TSC22D1: variants seen among roughly 807,000 people sequenced by gnomAD.
The protein encoded by TSC22D1 is TSC22 domain family protein 1.
In TSC22D1, 9 loss-of-function variants were observed where a neutral mutation model predicts 74.2. The ratio of observed to expected loss-of-function variants is 0.12; its 90% CI spans 0.07 to 0.21. The LOEUF is 0.21. Ranked by LOEUF, TSC22D1 falls within the 10% of genes least tolerant of loss-of-function variation. The pLI is 1.00. For synonymous variants in TSC22D1, 586 were observed against 492.5 expected (o/e 1.19, Z -2.51); for missense variants, 1,427 against 1,304.7 (o/e 1.09, Z -1.44).
At position 44,513,032 on chromosome 13, in the gene TSC22D1, C is replaced by T. The variant is rs544711848; in HGVS notation, c.2912+60131G>A. 2.0e-5 allele frequency among the ~76,000 whole-genome samples: 3 copies of T among 152,330 alleles called. No homozygotes were observed. The East Asian group carries it at 5.8e-4, about 29-fold the overall frequency. The stretch of plus-strand genomic sequence containing the variant: ...AATCCTGAAATTGCTTCCTAGTTGA[C>T]TTTCTCACCTCCAGTCCTAACTTTC... On this transcript the variant is annotated intron_variant, in intron 1 of 2. Transcript: ENST00000458659.
Position 44,434,536 on chromosome 13 carries a change from T to C in TSC22D1, c.*90A>G. ...GTCTCTTTCGCAGCGAGCAATGAAA[T>C]GGGTGACTGTGGAGGCAGATTCTCC... On this transcript the variant is annotated 3_prime_UTR_variant, in exon 3 of 3. Transcript: ENST00000458659. The C allele has an allele frequency of 1.4e-6, 2 of 1,472,342 alleles. No individual in the cohort carries two copies. Among genetic ancestry groups the C allele is most frequent in the Non-Finnish European group, 1.8e-6 (2 of 1,115,040 alleles). 91.2% of individuals were successfully genotyped at this position (1,472,342 alleles called of 1,614,324 possible). A position where few individuals can be genotyped will look rare whatever the true frequency, so the allele number is the denominator to read the frequency against.
chr13:44,551,389 G>GGTGGGGGT (rs1298469090), intron 1 of TSC22D1, among the ~76,000 whole-genome samples: 2 of 125,306 alleles, frequency 1.6e-5, no homozygotes, highest in African/African-American at 6.2e-5. Context: ...CAATCAGATG[G>GGTGGGGGT]GTGTGTGTGT....
intron 1 of TSC22D1, among the ~76,000 whole-genome samples, chr13:44,443,234 A>G (rs1875353298): frequency 6.6e-6 from 1 of 152,076 alleles, no homozygotes. Flanking sequence ...GTACAGAGCA[A>G]CAAAGAATGA....
rs777286323 is a variant in TSC22D1, at chr13:44,573,740, T to A, written c.2335A>T (p.Thr779Ser). The change falls in exon 1 of 3, where the codon ACT (threonine) becomes TCT (serine). Residue 779 changes from threonine (T) to serine (S), a missense_variant. By Grantham distance (58) the Thr-to-Ser change is moderately conservative. Coordinates refer to ENST00000458659, the MANE Select transcript of TSC22D1 (RefSeq NM_183422.4). ...TGTTGAGGAAGGCTTGGAGCACTAG[T>A]TTGAACTCCCTGATGAATAATCCCA... ...QTGIIHQGVQ[T>S]SAPSLPQQLV... 1.2e-6 allele frequency: 2 copies of A among 1,614,172 alleles called. No individual in the cohort carries two copies. The highest frequency in any genetic ancestry group is 2.2e-5 in the South Asian group (2 of 91,088).
intron 1 of TSC22D1, among the ~76,000 whole-genome samples, chr13:44,475,465 C>CAAAAAA (rs11359696): frequency 7.6e-6 from 1 of 132,138 alleles, no homozygotes; most frequent in Non-Finnish European, 1.6e-5. Context: ...CAAACAAAAG[C>CAAAAAA]AAAAAAAAAA....
At chr13:44,476,459 A>G (rs1041781690) in intron 1 of TSC22D1, among the ~76,000 whole-genome samples, 4 of 152,182 alleles carry the variant, frequency 2.6e-5, no homozygotes, top group African/African-American at 9.7e-5. Context: ...CAATATACAA[A>G]AACAGGGATG....
intron 1 of TSC22D1, among the ~76,000 whole-genome samples, chr13:44,497,823 C>T (rs1279174814): frequency 6.6e-6 from 1 of 152,172 alleles, no homozygotes; most frequent in Non-Finnish European, 1.5e-5. Context: ...CACATTTAAT[C>T]CCTTCTGAAG....
Position 44,574,385 on chromosome 13 carries a change from G to A in TSC22D1, c.1690C>T (p.Pro564Ser). 2 of 1,614,246 alleles carry A rather than the reference G, an allele frequency of 1.2e-6. No homozygotes were observed. Among genetic ancestry groups the A allele is most frequent in the East Asian group, 2.2e-5 (1 of 44,888 alleles). ...CTCATAGTGGCTTGCAGAGGTACTG[G>A]CTGAAGACCTTGCTTTTGCTGATAG... is the stretch of plus-strand genomic sequence containing the variant. The part of the protein sequence containing the change: ...LSYQQKQGLQ[P>S]VPLQATMSAA... The change falls in exon 1 of 3, where the codon CCA becomes TCA. Residue 564 changes from proline (P) to serine (S), a missense_variant. This residue lies in a region of TSC22D1 where 1,343 missense variants were observed against 1,191.5 expected (regional missense o/e 1.13). Transcript: ENST00000458659.
chr13:44,520,788 T>C (rs1880277991), intron 1 of TSC22D1, among the ~76,000 whole-genome samples: 1 of 152,200 alleles, frequency 6.6e-6, no homozygotes, highest in Admixed American at 6.5e-5. Flanking sequence ...TGAAATGAAG[T>C]ATCCACTGAA....
chr13:44,458,458 A>G lies in TSC22D1; in HGVS notation c.2913-22363T>C, dbSNP rs989795905. ...AGCCCATCTAGAGCAGCCACTGCAA[A>G]GACGCTGGCTGCAGCTGGGGAGGCG... On this transcript the variant is annotated intron_variant, in intron 1 of 2. Coordinates refer to ENST00000458659, the MANE Select transcript of TSC22D1 (RefSeq NM_183422.4). Among the ~76,000 whole-genome samples, 3 of 152,356 alleles carry G rather than the reference A, an allele frequency of 2.0e-5. No homozygotes were observed. In the East Asian group the frequency reaches 5.8e-4, roughly 29 times the overall value.
chr13:44,437,308 T>C (rs1346910732), intron 1 of TSC22D1: 1 of 969,000 alleles, frequency 1.0e-6, no homozygotes, highest in East Asian at 1.1e-4. Flanking sequence ...ACTTCGAGTG[T>C]CTTGATTTCA....
At chr13:44,517,852 TATA>T (rs1880113177) in intron 1 of TSC22D1, among the ~76,000 whole-genome samples, 3 of 43,600 alleles carry the variant, frequency 6.9e-5, no homozygotes, top group African/African-American at 1.9e-4. Flanking sequence ...TATATATATA[TATA>T]TATTTTTTTT....
chr13:44,512,369 C>T (rs894907280), intron 1 of TSC22D1, among the ~76,000 whole-genome samples: 11 of 151,888 alleles, frequency 7.2e-5, no homozygotes, highest in Non-Finnish European at 1.3e-4. Context: ...CGGGGTTTCA[C>T]CGTGTTAGCC....
At chr13:44,490,507 A>C (rs1878649064) in intron 1 of TSC22D1, among the ~76,000 whole-genome samples, 1 of 152,112 alleles carries the variant, frequency 6.6e-6, no homozygotes, top group South Asian at 2.1e-4. Flanking sequence ...ATAAATGTTC[A>C]ACCAAAAAAA....
intron 1 of TSC22D1, among the ~76,000 whole-genome samples, chr13:44,472,154 T>A (rs758877641): frequency 9.2e-5 from 14 of 152,200 alleles, no homozygotes; most frequent in Non-Finnish European, 1.8e-4. Context: ...ATCAGAGGTA[T>A]GTATGTATAG....
At chr13:44,455,643 A>G (rs1266030969) in intron 1 of TSC22D1, among the ~76,000 whole-genome samples, 3 of 152,212 alleles carry the variant, frequency 2.0e-5, no homozygotes, top group Non-Finnish European at 4.4e-5. Flanking sequence ...TACAAAATTT[A>G]AGCACTAGAT....
rs61378692 is a variant in TSC22D1 at position 44,534,361 on chromosome 13, T to TAA, written c.2912+38800_2912+38801dup. Among the ~76,000 whole-genome samples the TAA allele has an allele frequency of 2.5e-3, 266 of 107,254 alleles. 1 individual carries two copies. The highest frequency in any genetic ancestry group is 5.0e-3 in the African/African-American group (150 of 30,052). 70.4% of individuals were successfully genotyped at this position (107,254 alleles called of 152,430 possible). A position where few individuals can be genotyped will look rare whatever the true frequency, so the allele number is the denominator to read the frequency against. On this transcript the variant is annotated intron_variant, in intron 1 of 2. Transcript: ENST00000458659. ...TAGGTGACACTGTGAGACCCCGTCT[T>TAA]AAAAAAAAAAAAAAAAAAAAGCCAA...
chr13:44,525,974 C>A (rs918295271), intron 1 of TSC22D1, among the ~76,000 whole-genome samples: 1 of 151,912 alleles, frequency 6.6e-6, no homozygotes, highest in African/African-American at 2.4e-5. Flanking sequence ...TGGTGGCTTG[C>A]GCCTGCAGTC....
At chr13:44,568,774 G>A (rs1332556688) in intron 1 of TSC22D1, among the ~76,000 whole-genome samples, 2 of 152,178 alleles carry the variant, frequency 1.3e-5, no homozygotes, top group Non-Finnish European at 1.5e-5. Flanking sequence ...GGAAGAGGGT[G>A]GGGAAAGGAG....
Sources: gnomAD v4.1 joint callset for allele counts (sites outside exome capture counted in the v4.1 genomes callset) on GRCh38, gnomAD v4.1.1 for gene constraint, gnomAD v4.1.1 regional missense constraint, MANE v1.5 for transcripts, NCBI Gene and HGNC (gene_info 2026-07-23, HGNC 2026-07-21) for gene names.